FHDC1: variants seen among roughly 807,000 people sequenced by gnomAD.
FHDC1 encodes FH2 domain containing 1.
Under a neutral mutation model 52.6 loss-of-function variants are expected in FHDC1, and 25 were observed. That is an observed-to-expected ratio of 0.48 (90% CI 0.35 to 0.66). FHDC1 has a LOEUF of 0.66. Among genes scored for constraint, FHDC1 ranks in the 30% least tolerant of loss-of-function variants. The pLI, the probability that FHDC1 is intolerant of heterozygous loss-of-function variation, is 0.01. For synonymous variants in FHDC1, 616 were observed against 581.5 expected (o/e 1.06, Z -0.85); for missense variants, 1,459 against 1,452.8 (o/e 1.00, Z -0.07).
intron 1 of FHDC1, among the ~76,000 whole-genome samples, chr4:152,937,905 A>G (rs1001025826): frequency 1.3e-5 from 2 of 151,548 alleles, no homozygotes; most frequent in African/African-American, 2.4e-5. Context: ...TCGGGCGGGG[A>G]CCGGGGTGCC....
At chr4:152,926,080 A>G in the FHDC1 span, among the ~76,000 whole-genome samples, 78 of 152,216 alleles carry the variant, frequency 5.1e-4, no homozygotes, top group South Asian at 0.016. Flanking sequence ...TGTTAGAAAC[A>G]GGCTGTTAGA....
chr4:152,955,280 T>C (rs761795846), intron 4 of FHDC1, among the ~76,000 whole-genome samples: 2 of 152,132 alleles, frequency 1.3e-5, no homozygotes, highest in Non-Finnish European at 2.9e-5. Context: ...CTGAATGAGT[T>C]AACTGCATTG....
the FHDC1 span, among the ~76,000 whole-genome samples, chr4:152,926,272 ACACACACAC>A: frequency 1.7e-5 from 1 of 58,810 alleles, no homozygotes; most frequent in Admixed American, 2.5e-4. Context: ...ATACAGACAC[ACACACACAC>A]ACACACACAC....
intron 11 of FHDC1, among the ~76,000 whole-genome samples, chr4:152,974,086 C>A (rs1032711506): frequency 1.3e-5 from 2 of 152,234 alleles, no homozygotes; most frequent in African/African-American, 4.8e-5. Flanking sequence ...AACAGAGCAT[C>A]TCTTAATATT....
chr4:152,911,719 T>A, the FHDC1 span: 2 of 152,758 alleles, frequency 1.3e-5, no homozygotes, highest in East Asian at 3.9e-4. Flanking sequence ...ATGCCTGTTT[T>A]GAGTGCTTAA....
intron 2 of FHDC1, among the ~76,000 whole-genome samples, chr4:152,948,497 A>G (rs1382829489): frequency 6.6e-6 from 1 of 152,216 alleles, no homozygotes; most frequent in African/African-American, 2.4e-5. Flanking sequence ...TCTGTCACCC[A>G]GGCTGGAGTG....
the FHDC1 span, among the ~76,000 whole-genome samples, chr4:152,928,380 G>A: frequency 6.6e-6 from 1 of 152,148 alleles, no homozygotes; most frequent in Non-Finnish European, 1.5e-5. Flanking sequence ...TCTGTGGCCT[G>A]AATCGTGTTT....
chr4:152,932,623 A>C (rs2149929457), upstream of FHDC1, among the ~76,000 whole-genome samples: 1 of 152,322 alleles, frequency 6.6e-6, no homozygotes, highest in Non-Finnish European at 1.5e-5. Flanking sequence ...TTTAAAAGGC[A>C]AAGATAGCCT....
At chr4:152,972,604 T>C in intron 11 of FHDC1, 63 bp downstream of exon 11, 2 of 1,531,648 alleles carry the variant, frequency 1.3e-6, no homozygotes, top group Non-Finnish European at 1.8e-6. Context: ...CTTCTCGACC[T>C]AGTCATCTGC....
chr4:152,976,617 CGG>C lies in FHDC1; in HGVS notation c.3327_3328del (p.Glu1110GlyfsTer135). 1 of 1,610,362 alleles carries C rather than the reference CGG, an allele frequency of 6.2e-7. No individual in the cohort carries two copies. The highest frequency in any genetic ancestry group is 1.1e-5 in the South Asian group (1 of 90,824). Reference sequence around the variant, plus strand: ...TCTGCGGAGGGTCCCAGTGCCAACACGGAGGCCCCTCTGAAGGCCAGAGGGGC... The same window carrying C: ...TCTGCGGAGGGTCCCAGTGCCAACACAGGCCCCTCTGAAGGCCAGAGGGGC... On this transcript the variant is annotated frameshift_variant, in exon 12 of 12. Transcript: ENST00000511601. LOFTEE classifies it low-confidence loss of function (END_TRUNC).
intron 10 of FHDC1, among the ~76,000 whole-genome samples, chr4:152,969,512 C>T (rs986879255): frequency 6.6e-6 from 1 of 152,198 alleles, no homozygotes; most frequent in Non-Finnish European, 1.5e-5. Flanking sequence ...CTGGATGTTT[C>T]ATTCCTCCAA....
At chr4:152,937,430 G>T (rs1053190416) in intron 1 of FHDC1, among the ~76,000 whole-genome samples, 2 of 152,088 alleles carry the variant, frequency 1.3e-5, no homozygotes, top group African/African-American at 4.8e-5. Context: ...TGGCGCCCTG[G>T]GGGGCGTGGC....
At chr4:152,970,267 C>A (rs1740603330) in intron 10 of FHDC1, among the ~76,000 whole-genome samples, 1 of 152,200 alleles carries the variant, frequency 6.6e-6, no homozygotes, top group Admixed American at 6.5e-5. Context: ...GTGTAGCAGG[C>A]AAGTTAGAGA....
At chr4:152,937,679 C>T (rs1739434256) in intron 1 of FHDC1, among the ~76,000 whole-genome samples, 1 of 151,828 alleles carries the variant, frequency 6.6e-6, no homozygotes, top group South Asian at 2.1e-4. Context: ...CGCCGCAGAG[C>T]TGGCGCGGCG....
upstream of FHDC1, among the ~76,000 whole-genome samples, chr4:152,935,187 C>T (rs1554039215): frequency 6.6e-6 from 1 of 152,164 alleles, no homozygotes; most frequent in Non-Finnish European, 1.5e-5. Context: ...AATAGTTTCT[C>T]TTTCTCGATC....
chr4:152,954,456 G>A (rs1740023006), intron 4 of FHDC1, 137 bp downstream of exon 4: 3 of 615,626 alleles, frequency 4.9e-6, no homozygotes, highest in Non-Finnish European at 8.4e-6. Flanking sequence ...GGAGGCAGAG[G>A]CAGATGAATC....
chr4:152,937,945 GCTGT>G (rs1739448492), intron 1 of FHDC1, among the ~76,000 whole-genome samples: 1 of 152,176 alleles, frequency 6.6e-6, no homozygotes, highest in Non-Finnish European at 1.5e-5. Flanking sequence ...GCTGCGGACA[GCTGT>G]CTAACGCAGA....
At chr4:152,928,597 A>T in the FHDC1 span, among the ~76,000 whole-genome samples, 1 of 152,196 alleles carries the variant, frequency 6.6e-6, no homozygotes, top group Non-Finnish European at 1.5e-5. Context: ...AAGGGCAGTT[A>T]TTGGACAGGT....
Position 152,976,513 on chromosome 4 carries a change from C to A in FHDC1, c.3222C>A (p.Asp1074Glu). ...VSQRQLRVKGDPEDAAPKDSS... is the reference protein window; with the variant it reads ...VSQRQLRVKGEPEDAAPKDSS... ...AGCGGCAGCTGAGGGTGAAAGGGGA[C>A]CCCGAGGATGCCGCTCCCAAGGACA... is the stretch of plus-strand genomic sequence containing the variant. Residue 1074 changes from aspartate to glutamate, a missense_variant, in exon 12 of 12, where the codon GAC becomes GAA. Transcript: ENST00000511601. The A allele has an allele frequency of 1.2e-6, 2 of 1,613,290 alleles. No individual in the cohort carries two copies. Among genetic ancestry groups the A allele is most frequent in the Non-Finnish European group, 1.7e-6 (2 of 1,179,980 alleles).
Sources: gnomAD v4.1 joint callset for allele counts (sites outside exome capture counted in the v4.1 genomes callset) on GRCh38, gnomAD v4.1.1 for gene constraint, MANE v1.5 for transcripts, NCBI Gene and HGNC (gene_info 2026-07-23, HGNC 2026-07-21) for gene names.